The following PIAS1 variants were observed in gnomAD, a reference collection of about 807,000 sequenced individuals.
PIAS1 encodes the protein E3 SUMO-protein ligase PIAS1.
PIAS1 carries 6 observed loss-of-function variants against 71.3 expected under a neutral mutation model. That is an observed-to-expected ratio of 0.08 (90% CI 0.05 to 0.17). The LOEUF (loss-of-function observed/expected upper bound fraction) is 0.17, where lower values mean the gene tolerates loss of function less well. PIAS1 is among the 10% of genes least tolerant of loss of function. The pLI is 1.00. For missense variants in PIAS1, 555 were observed against 793.6 expected, an observed-to-expected ratio of 0.70 and a Z score of 3.61; for synonymous variants, 303 against 292.9, an observed-to-expected ratio of 1.03 and a Z score of -0.35.
rs748864703 is a variant in PIAS1 at position 68,186,590 on chromosome 15, A to G, written c.1663-952A>G. On this transcript the variant is annotated intron_variant, in intron 13 of 13. Coordinates refer to ENST00000249636, the MANE Select transcript of PIAS1 (RefSeq NM_016166.3). The surrounding 1 kb of genome is among the most constrained non-coding windows in gnomAD (Gnocchi z 4.4). ...TTTATAAAGTCTACAGTAGTGTACA[A>G]TAATGTCCTAAGCCTCACATTCACT... Among the ~76,000 whole-genome samples the G allele has an allele frequency of 7.2e-5, 11 of 152,240 alleles. No homozygotes were observed. The highest frequency in any genetic ancestry group is 1.3e-4 in the Non-Finnish European group (9 of 68,036).
chr15:68,110,819 C>T (rs866240760), intron 2 of PIAS1, among the ~76,000 whole-genome samples: 4 of 151,954 alleles, frequency 2.6e-5, no homozygotes, highest in Non-Finnish European at 4.4e-5. Context: ...AGGGGTGTGA[C>T]GGGAAGAGGA....
chr15:68,130,047 A>G (rs780173501), intron 2 of PIAS1, among the ~76,000 whole-genome samples: 6 of 152,122 alleles, frequency 3.9e-5, no homozygotes, highest in Non-Finnish European at 7.4e-5. Flanking sequence ...GTTCATTTTG[A>G]GGGGGGGAAG....
At chr15:68,064,980 A>G (rs1303247490) in intron 1 of PIAS1, among the ~76,000 whole-genome samples, 1 of 152,084 alleles carries the variant, frequency 6.6e-6, no homozygotes, top group Non-Finnish European at 1.5e-5. Flanking sequence ...CGGGGGCTCC[A>G]GTGATCGCCT....
intron 1 of PIAS1, among the ~76,000 whole-genome samples, chr15:68,068,340 G>T (rs1375234087): frequency 1.3e-5 from 2 of 152,186 alleles, no homozygotes; most frequent in African/African-American, 2.4e-5. Flanking sequence ...CTGTACTCCA[G>T]CCTGAAGGAC....
chr15:68,123,651 A>C (rs1026240038), intron 2 of PIAS1, among the ~76,000 whole-genome samples: 1 of 152,144 alleles, frequency 6.6e-6, no homozygotes, highest in Non-Finnish European at 1.5e-5. Flanking sequence ...AGTCTGCACT[A>C]TAGGAAACAA....
chr15:68,104,409 A>G (rs1275956578), intron 2 of PIAS1, among the ~76,000 whole-genome samples: 2 of 152,170 alleles, frequency 1.3e-5, no homozygotes, highest in African/African-American at 4.8e-5. Context: ...TACCCAACAC[A>G]TTTAAGCCTA....
intron 1 of PIAS1, among the ~76,000 whole-genome samples, chr15:68,065,140 G>A (rs970033095): frequency 4.6e-4 from 69 of 151,254 alleles, no homozygotes; most frequent in African/African-American, 1.4e-3. Flanking sequence ...GTTTTTTTGC[G>A]GGGGGGATGG....
intron 6 of PIAS1, among the ~76,000 whole-genome samples, chr15:68,150,601 G>C (rs763236670): frequency 2.0e-5 from 3 of 152,130 alleles, no homozygotes; most frequent in Non-Finnish European, 2.9e-5. Flanking sequence ...CTAGTATAGC[G>C]CCTGAAAGAA....
chr15:68,110,495 C>T (rs1054726408), intron 2 of PIAS1, among the ~76,000 whole-genome samples: 8 of 152,110 alleles, frequency 5.3e-5, no homozygotes, highest in African/African-American at 1.9e-4. Flanking sequence ...ACTCAGGAGG[C>T]TGAGGCAGGA....
Position 68,193,169 on chromosome 15 carries a change from CCT to C in PIAS1, c.*5339_*5340del, listed in dbSNP as rs1238292555. On this transcript the variant is annotated 3_prime_UTR_variant, in exon 14 of 14. Coordinates refer to ENST00000249636, the MANE Select transcript of PIAS1 (RefSeq NM_016166.3). Reference sequence around the variant, plus strand: ...GCCACTTGAGCAGACCATCCCGGAACCTCTCTGCCTGTTAACAGAGCCCAGGG... The same window carrying C: ...GCCACTTGAGCAGACCATCCCGGAACCTCTGCCTGTTAACAGAGCCCAGGG... The C allele has an allele frequency of 6.6e-6, 1 of 152,358 alleles. No homozygotes were observed. Among genetic ancestry groups the C allele is most frequent in the Non-Finnish European group, 1.5e-5 (1 of 68,162 alleles). The allele number at this position is 152,358 out of a possible 1,614,324, so 9.4% of individuals were successfully genotyped here.
chr15:68,133,309 A>C (rs923342880), intron 2 of PIAS1, among the ~76,000 whole-genome samples: 1 of 152,280 alleles, frequency 6.6e-6, no homozygotes. Context: ...AGTCCAAGAC[A>C]GGAAGGTTAA....
At chr15:68,124,015 CAT>C (rs2092632395) in intron 2 of PIAS1, among the ~76,000 whole-genome samples, 2 of 152,104 alleles carry the variant, frequency 1.3e-5, no homozygotes, top group East Asian at 3.9e-4. Context: ...TATATGTACA[CAT>C]ACGTGTGTAC....
chr15:68,140,613 G>A (rs1399842228), intron 2 of PIAS1, among the ~76,000 whole-genome samples: 8 of 152,182 alleles, frequency 5.3e-5, no homozygotes, highest in Non-Finnish European at 7.4e-5. Flanking sequence ...TTAATGTTGA[G>A]ATAGAATTCT....
chr15:68,165,190 C>T (rs553492792), intron 8 of PIAS1, among the ~76,000 whole-genome samples: 22 of 152,200 alleles, frequency 1.4e-4, no homozygotes, highest in African/African-American at 3.6e-4. Context: ...GGTGCCATCT[C>T]GGCTCACCAC....
chr15:68,153,332 A>C (rs1162582647), intron 6 of PIAS1, among the ~76,000 whole-genome samples: 1 of 152,136 alleles, frequency 6.6e-6, no homozygotes, highest in Non-Finnish European at 1.5e-5. Flanking sequence ...TTGTTACTTG[A>C]AAATTGCAAA....
At chr15:68,056,769 AAAAG>A (rs750062465) in intron 1 of PIAS1, among the ~76,000 whole-genome samples, 6 of 151,470 alleles carry the variant, frequency 4.0e-5, no homozygotes, top group Admixed American at 6.6e-5. Flanking sequence ...TGTGTTAAAA[AAAAG>A]AGAATGTGTA....
At chr15:68,069,657 C>G (rs2092071134) in intron 1 of PIAS1, among the ~76,000 whole-genome samples, 1 of 151,922 alleles carries the variant, frequency 6.6e-6, no homozygotes, top group Non-Finnish European at 1.5e-5. Flanking sequence ...AAAAAATTAG[C>G]CGGGCGTGGT....
At chr15:68,161,488 G>GTTTTTTT (rs1323143764) in intron 7 of PIAS1, among the ~76,000 whole-genome samples, 1 of 138,908 alleles carries the variant, frequency 7.2e-6, no homozygotes, top group Admixed American at 7.2e-5. Flanking sequence ...GAAGGCATAG[G>GTTTTTTT]TTTTTTTTTT....
At chr15:68,076,933 A>G (rs760067079) in intron 1 of PIAS1, among the ~76,000 whole-genome samples, 6 of 152,196 alleles carry the variant, frequency 3.9e-5, no homozygotes, top group East Asian at 1.9e-4. Flanking sequence ...TAATTGTACA[A>G]TAGAGGGGTG....
Sources: allele counts gnomAD v4.1 joint callset (sites outside exome capture counted in the v4.1 genomes callset), GRCh38; gene constraint gnomAD v4.1.1; non-coding constraint Gnocchi (gnomAD v3.1); transcripts MANE v1.5; gene names NCBI Gene and HGNC (gene_info 2026-07-23, HGNC 2026-07-21).